Variants in ADAM9 observed in about 807,000 individuals in gnomAD.
ADAM9 encodes the protein disintegrin and metalloproteinase domain-containing protein 9.
Under a neutral mutation model 108.1 loss-of-function variants are expected in ADAM9, and 54 were observed. That is an observed-to-expected ratio of 0.50 (90% CI 0.40 to 0.63). ADAM9 has a LOEUF of 0.63. Ranked by LOEUF, ADAM9 falls within the 20% of genes least tolerant of loss-of-function variation. The pLI is 0.00. For missense variants in ADAM9, 830 were observed against 997.7 expected (o/e 0.83, Z 2.26); for synonymous variants, 316 against 336.0 (o/e 0.94, Z 0.65).
intron 16 of ADAM9, among the ~76,000 whole-genome samples, chr8:39,077,679 A>C (rs1404235486): frequency 1.3e-5 from 2 of 152,154 alleles, no homozygotes; most frequent in African/African-American, 2.4e-5. Flanking sequence ...TTTATTAGCC[A>C]GTTTGCTATT....
Position 39,069,853 on chromosome 8 carries a change from A to T in ADAM9, c.1592-1445A>T, listed in dbSNP as rs140402419. 1.2e-4 allele frequency among the ~76,000 whole-genome samples: 19 copies of T among 152,314 alleles called. No homozygotes were observed. The East Asian group carries it at 3.7e-3, about 29-fold the overall frequency. The stretch of plus-strand genomic sequence containing the variant: ...TGGATAAGTAACTGTTGAAAATTTC[A>T]TGAATATCTTTCACTTATTTTTTGT... On this transcript the variant is annotated intron_variant, in intron 14 of 21. Transcript: ENST00000487273.
intron 1 of ADAM9, among the ~76,000 whole-genome samples, chr8:39,002,673 T>A (rs190377962): frequency 1.3e-5 from 2 of 152,160 alleles, no homozygotes; most frequent in African/African-American, 2.4e-5. Flanking sequence ...ATTACTATTA[T>A]GAAAAGTGTG....
chr8:39,042,570 A>G (rs1837486832), intron 12 of ADAM9, among the ~76,000 whole-genome samples: 1 of 141,452 alleles, frequency 7.1e-6, no homozygotes, highest in South Asian at 2.2e-4. Flanking sequence ...GTAGCACTCT[A>G]AAAAAAAAAA....
chr8:39,073,013 A>T (rs1180015107), intron 15 of ADAM9, among the ~76,000 whole-genome samples: 1 of 152,122 alleles, frequency 6.6e-6, no homozygotes, highest in East Asian at 1.9e-4. Flanking sequence ...GGAATTTGAG[A>T]TGTGCATTAT....
At chr8:39,035,294 G>A (rs934000608) in intron 11 of ADAM9, among the ~76,000 whole-genome samples, 15 of 152,020 alleles carry the variant, frequency 9.9e-5, no homozygotes, top group African/African-American at 3.6e-4. Flanking sequence ...TTTCAAATCT[G>A]ATATATTAGT....
At position 39,013,857 on chromosome 8, in the gene ADAM9, G is replaced by A; in HGVS notation, c.255-108G>A. 3.4e-6 allele frequency: 3 copies of A among 881,148 alleles called. No individual in the cohort carries two copies. In the South Asian group the frequency reaches 4.3e-5, roughly 13 times the overall value. 54.6% of individuals were successfully genotyped at this position (881,148 alleles called of 1,614,324 possible). A position where few individuals can be genotyped will look rare whatever the true frequency, so the allele number is the denominator to read the frequency against. On this transcript the variant is annotated intron_variant, in intron 3 of 21. Transcript: ENST00000487273. ...TTTAAAAATAATTTATCTGGTGAAA[G>A]TTCTTATTTACTCCTGCTTGTCTCC...
Position 39,018,910 on chromosome 8 carries a change from A to G in ADAM9, c.664A>G (p.Lys222Glu). Residue 222 changes from lysine to glutamate, a missense_variant, in exon 7 of 22, where the codon AAG (lysine) becomes GAG (glutamate). Around this residue, in one of 3 missense-constraint regions of ADAM9, gnomAD observed 381 missense variants for 539.8 expected, o/e 0.71. Transcript: ENST00000487273. ...TGTGGAGCTGTTCATTGTCGTAGAC[A>G]AGGAAAGGGTAAGATTGGTGACAAT... The part of the protein sequence containing the change: ...RYVELFIVVD[K>E]ERYDMMGRNQ... 6.2e-7 allele frequency: 1 copy of G among 1,614,044 alleles called. No individual in the cohort carries two copies. The highest frequency in any genetic ancestry group is 8.5e-7 in the Non-Finnish European group (1 of 1,179,946).
chr8:39,101,225 T>G (rs531899490), intron 20 of ADAM9, among the ~76,000 whole-genome samples: 1 of 152,290 alleles, frequency 6.6e-6, no homozygotes, highest in Admixed American at 6.5e-5. Context: ...AAGCAAAATA[T>G]TTTTGACTGT....
At chr8:39,002,310 TTC>T (rs1219681459) in intron 1 of ADAM9, among the ~76,000 whole-genome samples, 9 of 132,092 alleles carry the variant, frequency 6.8e-5, no homozygotes, top group African/African-American at 1.4e-4. Flanking sequence ...TTAGGTAGAA[TTC>T]TTTTTTTTTT....
chr8:39,032,927 T>G (rs1837145026), intron 11 of ADAM9, among the ~76,000 whole-genome samples: 1 of 152,228 alleles, frequency 6.6e-6, no homozygotes, highest in African/African-American at 2.4e-5. Context: ...TGCCACCCCA[T>G]GTAAACTTTA....
chr8:39,014,447 T>G, intron 4 of ADAM9: 2 of 662,636 alleles, frequency 3.0e-6, no homozygotes, highest in South Asian at 3.4e-5. Context: ...ATGTTATGTG[T>G]TCTAATGTTC....
intron 18 of ADAM9, among the ~76,000 whole-genome samples, chr8:39,089,544 A>G (rs1839283708): frequency 6.6e-6 from 1 of 152,232 alleles, no homozygotes; most frequent in African/African-American, 2.4e-5. Flanking sequence ...CTAATATGAT[A>G]CAACATATGT....
At chr8:39,041,520 G>A (rs915293913) in intron 11 of ADAM9, among the ~76,000 whole-genome samples, 5 of 152,118 alleles carry the variant, frequency 3.3e-5, no homozygotes, top group African/African-American at 1.2e-4. Flanking sequence ...ATGGGCATGG[G>A]TGAACATAAA....
chr8:38,998,475 A>T (rs1418780099), intron 1 of ADAM9, among the ~76,000 whole-genome samples: 1 of 152,188 alleles, frequency 6.6e-6, no homozygotes, highest in African/African-American at 2.4e-5. Flanking sequence ...ACCGACCTGC[A>T]TTAGGTGAGT....
At chr8:39,081,027 C>T (rs988930218) in intron 16 of ADAM9, among the ~76,000 whole-genome samples, 2 of 145,698 alleles carry the variant, frequency 1.4e-5, no homozygotes, top group Non-Finnish European at 1.5e-5. Flanking sequence ...GATCTTGGCT[C>T]ACTGCAGCCT....
At chr8:39,019,980 G>A (rs1459840853) in intron 7 of ADAM9, among the ~76,000 whole-genome samples, 1 of 152,220 alleles carries the variant, frequency 6.6e-6, no homozygotes, top group Non-Finnish European at 1.5e-5. Context: ...AGTCACAAAA[G>A]TCAAGATTCA....
chr8:39,039,109 G>A (rs572975527), intron 11 of ADAM9, among the ~76,000 whole-genome samples: 2 of 152,042 alleles, frequency 1.3e-5, no homozygotes, highest in Non-Finnish European at 2.9e-5. Context: ...CAAAAAATAT[G>A]TTTCTTAGAG....
At chr8:39,017,157 T>A in intron 5 of ADAM9, 62 bp from the exon 6 acceptor site, 2 of 1,574,046 alleles carry the variant, frequency 1.3e-6, no homozygotes, top group Non-Finnish European at 1.7e-6. Flanking sequence ...GAACTTAGGT[T>A]TTCTGATTCC....
At chr8:39,057,261 C>T (rs1371060070) in intron 14 of ADAM9, among the ~76,000 whole-genome samples, 1 of 151,480 alleles carries the variant, frequency 6.6e-6, no homozygotes, top group Non-Finnish European at 1.5e-5. Flanking sequence ...AGATCATATC[C>T]CTGTTGTTAA....
Sources: gnomAD v4.1 joint callset for allele counts (sites outside exome capture counted in the v4.1 genomes callset) on GRCh38, gnomAD v4.1.1 for gene constraint, gnomAD v4.1.1 regional missense constraint, MANE v1.5 for transcripts, NCBI Gene and HGNC (gene_info 2026-07-23, HGNC 2026-07-21) for gene names.